The following SCAPER variants were observed in gnomAD, a reference collection of about 807,000 sequenced individuals.
SCAPER encodes the protein S phase cyclin A-associated protein in the endoplasmic reticulum.
A neutral mutation model predicts 182.2 loss-of-function variants in SCAPER; 98 were observed. The observed-to-expected ratio is 0.54, with a 90% confidence interval of 0.46 to 0.64. The LOEUF (loss-of-function observed/expected upper bound fraction) is 0.64, where lower values mean the gene tolerates loss of function less well. Ranked by LOEUF, SCAPER falls within the 30% of genes least tolerant of loss-of-function variation. SCAPER has a pLI of 0.00. For missense variants in SCAPER, 1,432 were observed against 1,690.0 expected (o/e 0.85, Z 2.68); for synonymous variants, 605 against 564.6 (o/e 1.07, Z -1.01).
chr15:76,737,292 G>A (rs759939024), intron 15 of SCAPER, among the ~76,000 whole-genome samples: 5 of 152,194 alleles, frequency 3.3e-5, no homozygotes, highest in Non-Finnish European at 7.3e-5. Flanking sequence ...TAGCAGGCAC[G>A]AAAACACTAT....
chr15:76,890,165 A>C (rs1439736380), intron 1 of SCAPER, among the ~76,000 whole-genome samples: 1 of 152,150 alleles, frequency 6.6e-6, no homozygotes, highest in Non-Finnish European at 1.5e-5. Flanking sequence ...CACATTTAAC[A>C]CAGTGGGTAG....
At chr15:76,464,933 C>T (rs984699136) in intron 25 of SCAPER, among the ~76,000 whole-genome samples, 2 of 152,100 alleles carry the variant, frequency 1.3e-5, no homozygotes, top group African/African-American at 2.4e-5. Flanking sequence ...TCCTAACAGG[C>T]ATGAGGTGAT....
chr15:76,371,240 G>T (rs2042148309), intron 29 of SCAPER, among the ~76,000 whole-genome samples: 1 of 151,918 alleles, frequency 6.6e-6, no homozygotes, highest in Non-Finnish European at 1.5e-5. Context: ...TGAGGTTCAA[G>T]AGACAAGAGA....
At chr15:76,685,275 C>T (rs1466922383) in intron 20 of SCAPER, among the ~76,000 whole-genome samples, 3 of 151,654 alleles carry the variant, frequency 2.0e-5, no homozygotes, top group African/African-American at 7.3e-5. Context: ...AGAATGCCAC[C>T]GCTACATGTG....
rs897551102 is a variant in SCAPER at position 76,574,403 on chromosome 15, G to A, written c.2712-119C>T. 9 of 1,133,448 alleles carry A rather than the reference G, an allele frequency of 7.9e-6. No individual in the cohort carries two copies. In the East Asian group the frequency reaches 1.6e-4, roughly 21 times the overall value. 70.2% of individuals were successfully genotyped at this position (1,133,448 alleles called of 1,614,324 possible). On this transcript the variant is annotated intron_variant, in intron 22 of 31. Coordinates refer to ENST00000563290, the MANE Select transcript of SCAPER (RefSeq NM_020843.4). ...ATTGGATTTGAAAATGCTTCACAGA[G>A]CATCTGAGGGGAGAAAAAACCAGAC...
At chr15:76,752,050 C>T (rs76924170) in intron 15 of SCAPER, among the ~76,000 whole-genome samples, 4 of 148,598 alleles carry the variant, frequency 2.7e-5, no homozygotes, top group Non-Finnish European at 6.0e-5. Context: ...AAAAAAAAAA[C>T]TCAATTCAAG....
At chr15:76,574,023 T>A (rs1010158692) in intron 23 of SCAPER, 135 bp downstream of exon 23, 14 of 812,768 alleles carry the variant, frequency 1.7e-5, no homozygotes, top group African/African-American at 5.4e-5. Flanking sequence ...AAAAAAAAAA[T>A]TCATCTATTA....
chr15:76,891,390 G>C (rs2074156426), intron 1 of SCAPER, among the ~76,000 whole-genome samples: 1 of 152,122 alleles, frequency 6.6e-6, no homozygotes, highest in Non-Finnish European at 1.5e-5. Context: ...GTCCCTGCTG[G>C]CAGATAACAT....
At chr15:76,349,220 C>CA (rs771846493) in intron 31 of SCAPER, 58 of 151,736 alleles carry the variant, frequency 3.8e-4, no homozygotes, top group South Asian at 1.9e-3. Flanking sequence ...AAACAAAAAA[C>CA]AAAAAAAAGA....
intron 25 of SCAPER, among the ~76,000 whole-genome samples, chr15:76,466,547 T>C (rs1314088445): frequency 6.6e-6 from 1 of 150,578 alleles, no homozygotes; most frequent in East Asian, 2.0e-4. Context: ...TGTCAGGTAA[T>C]TCATGTCTTT....
At chr15:76,753,069 A>G (rs1162147847) in intron 15 of SCAPER, among the ~76,000 whole-genome samples, 1 of 151,816 alleles carries the variant, frequency 6.6e-6, no homozygotes, top group Non-Finnish European at 1.5e-5. Context: ...GTAAAACTTA[A>G]ACATGAACCT....
chr15:76,617,540 G>A (rs1387293683), intron 22 of SCAPER, among the ~76,000 whole-genome samples: 1 of 152,156 alleles, frequency 6.6e-6, no homozygotes, highest in Non-Finnish European at 1.5e-5. Context: ...GGTGATAACT[G>A]GTCCTGGATG....
chr15:76,389,893 G>A (rs1305184079), intron 27 of SCAPER, among the ~76,000 whole-genome samples: 1 of 151,760 alleles, frequency 6.6e-6, no homozygotes, highest in Non-Finnish European at 1.5e-5. Context: ...AGGTAGGACA[G>A]GCTCAGATAC....
intron 22 of SCAPER, chr15:76,586,636 C>T: frequency 6.5e-6 from 1 of 153,612 alleles, no homozygotes; most frequent in South Asian, 2.1e-4. Flanking sequence ...ATTACATATA[C>T]AGTTATCCTT....
In SCAPER at chr15:76,593,668, T is replaced by C. The variant is rs1447258806; in HGVS notation, c.2712-19384A>G. 1.4e-4 allele frequency among the ~76,000 whole-genome samples: 17 copies of C among 121,150 alleles called. 6 individuals carry two copies. The highest frequency in any genetic ancestry group is 3.0e-4 in the Non-Finnish European group (15 of 49,760). 79.5% of individuals were successfully genotyped at this position (121,150 alleles called of 152,430 possible). ...GCTGTTCTGCAGCATCCACTGGTGA[T>C]ACCGAGGCAAACAGGATCTGGAGTG... On this transcript the variant is annotated intron_variant, in intron 22 of 31. Coordinates refer to ENST00000563290, the MANE Select transcript of SCAPER (RefSeq NM_020843.4).
chr15:76,589,709 G>A (rs768010636), intron 22 of SCAPER, among the ~76,000 whole-genome samples: 17 of 152,100 alleles, frequency 1.1e-4, no homozygotes, highest in Admixed American at 2.6e-4. Flanking sequence ...AGGAGACTTC[G>A]CGTTTGGTTG....
intron 25 of SCAPER, 141 bp downstream of exon 25, chr15:76,471,071 C>T: frequency 1.3e-6 from 1 of 799,708 alleles, no homozygotes; most frequent in Non-Finnish European, 1.8e-6. Context: ...TTCTCACAGT[C>T]ATCTTCACTT....
intron 26 of SCAPER, among the ~76,000 whole-genome samples, chr15:76,432,745 T>G (rs968904531): frequency 6.6e-6 from 1 of 152,180 alleles, no homozygotes; most frequent in Non-Finnish European, 1.5e-5. Flanking sequence ...CTTGAACAGG[T>G]GTCAGAAATT....
intron 5 of SCAPER, among the ~76,000 whole-genome samples, chr15:76,821,755 A>T (rs2067577336): frequency 6.6e-6 from 1 of 152,066 alleles, no homozygotes; most frequent in East Asian, 1.9e-4. Flanking sequence ...AAAAATTTTT[A>T]AAAATTAGTC....
Sources: gnomAD v4.1 joint callset for allele counts (sites outside exome capture counted in the v4.1 genomes callset) on GRCh38, gnomAD v4.1.1 for gene constraint, MANE v1.5 for transcripts, NCBI Gene and HGNC (gene_info 2026-07-23, HGNC 2026-07-21) for gene names.